Variants in TMEM67 observed in about 807,000 individuals in gnomAD.
The protein encoded by TMEM67 is transmembrane protein 67.
A neutral mutation model predicts 136.6 loss-of-function variants in TMEM67; 124 were observed. That is an observed-to-expected ratio of 0.91 (90% CI 0.78 to 1.05). TMEM67 has a LOEUF of 1.05. TMEM67 is among the 50% of genes least tolerant of loss of function. The pLI, the probability that TMEM67 is intolerant of heterozygous loss-of-function variation, is 0.00. For synonymous variants in TMEM67, 364 were observed against 390.5 expected (o/e 0.93, Z 0.80); for missense variants, 1,107 against 1,178.4 (o/e 0.94, Z 0.89).
chr8:93,789,428 A>G (rs1004832669), intron 14 of TMEM67, among the ~76,000 whole-genome samples: 2 of 152,106 alleles, frequency 1.3e-5, no homozygotes, highest in African/African-American at 2.4e-5. Context: ...TATTATGGGT[A>G]ATCAAGAATG....
At position 93,795,960 on chromosome 8, in the gene TMEM67, T is replaced by A. The variant is rs1814596805; in HGVS notation, c.1833T>A (p.Thr611=). The A allele has an allele frequency of 1.2e-6, 2 of 1,613,526 alleles. No individual in the cohort carries two copies. The highest frequency in any genetic ancestry group is 1.7e-6 in the Non-Finnish European group (2 of 1,179,466). Residue 611 remains threonine (T), a synonymous_variant, in exon 18 of 28, where the codon ACT becomes ACA. Transcript: ENST00000453321. ...CAATTCAGGAAGAACGTTTTGTCAC[T>A]TATGTTGGATGTGCCTTTGCTCTGA... ...PMPIQEERFV[T]YVGCAFALKA... is the part of the protein sequence containing the mutation.
At chr8:93,765,101 G>A (rs2130583623) in intron 4 of TMEM67, among the ~76,000 whole-genome samples, 1 of 152,244 alleles carries the variant, frequency 6.6e-6, no homozygotes, top group South Asian at 2.1e-4. Flanking sequence ...ATTTATATGA[G>A]TTTGTTGCTC....
intron 6 of TMEM67, among the ~76,000 whole-genome samples, chr8:93,769,242 TAGG>T (rs1813225377): frequency 6.6e-6 from 1 of 152,148 alleles, no homozygotes; most frequent in African/African-American, 2.4e-5. Context: ...GCAACGGCCA[TAGG>T]AGGCGAGCAA....
intron 13 of TMEM67, 29 bp downstream of exon 13, chr8:93,786,375 T>C (rs760867449): frequency 1.9e-6 from 3 of 1,607,218 alleles, no homozygotes; most frequent in Non-Finnish European, 2.6e-6. Context: ...ATATTATTTA[T>C]GGGAAAATAT....
At chr8:93,819,068 G>T (rs1808999113), downstream of TMEM67, 1 of 451,674 alleles carries the variant, frequency 2.2e-6, no homozygotes. Flanking sequence ...CTCCAAAAGT[G>T]CTGGGATTAC....
chr8:93,796,785 A>G (rs937062011), intron 18 of TMEM67, among the ~76,000 whole-genome samples: 1 of 152,232 alleles, frequency 6.6e-6, no homozygotes, highest in African/African-American at 2.4e-5. Context: ...AAGTCAGCTG[A>G]TCTACAAAAC....
intron 18 of TMEM67, 49 bp downstream of exon 18, chr8:93,796,036 C>G: frequency 8.6e-7 from 1 of 1,166,612 alleles, no homozygotes; most frequent in Non-Finnish European, 1.3e-6. Context: ...TGCTAATGAA[C>G]TAACAAGTCT....
At chr8:93,823,640 G>A (rs1000844887), downstream of TMEM67, among the ~76,000 whole-genome samples, 4 of 152,158 alleles carry the variant, frequency 2.6e-5, no homozygotes, top group Admixed American at 6.5e-5. Context: ...GGAACAGCAT[G>A]TGCAAAGGCC....
chr8:93,765,829 G>C (rs1813059924), intron 6 of TMEM67, among the ~76,000 whole-genome samples, 183 bp downstream of exon 6: 1 of 152,146 alleles, frequency 6.6e-6, no homozygotes, highest in Non-Finnish European at 1.5e-5. Context: ...TACTCAGTCT[G>C]TACCGTAGCC....
At chr8:93,798,285 T>A (rs1325989043) in intron 20 of TMEM67, among the ~76,000 whole-genome samples, 1 of 150,914 alleles carries the variant, frequency 6.6e-6, no homozygotes, top group African/African-American at 2.5e-5. Context: ...TTAGAGACTA[T>A]GTGTTGATTT....
intron 3 of TMEM67, 70 bp downstream of exon 3, chr8:93,758,646 G>A: frequency 1.6e-6 from 2 of 1,278,062 alleles, no homozygotes; most frequent in South Asian, 2.4e-5. Context: ...TATTTGAAAA[G>A]GGCACTAATT....
At chr8:93,807,876 A>AT (rs1406354961) in intron 23 of TMEM67, among the ~76,000 whole-genome samples, 2 of 151,668 alleles carry the variant, frequency 1.3e-5, no homozygotes, top group African/African-American at 2.4e-5. Flanking sequence ...TCAAATCAAA[A>AT]TTTTTTTTAC....
chr8:93,761,616 TATAGTC>T (rs1812839017), intron 3 of TMEM67, among the ~76,000 whole-genome samples: 1 of 152,208 alleles, frequency 6.6e-6, no homozygotes, highest in Non-Finnish European at 1.5e-5. Flanking sequence ...TAAATTATGA[TATAGTC>T]ATACAATGGT....
downstream of TMEM67, among the ~76,000 whole-genome samples, chr8:93,823,838 C>CTTTTTTTTT (rs80228066): frequency 7.0e-6 from 1 of 142,584 alleles, no homozygotes. Flanking sequence ...AAGATTTTGT[C>CTTTTTTTTT]TTTTTTTTTT....
intron 14 of TMEM67, among the ~76,000 whole-genome samples, chr8:93,789,524 A>G (rs1317628481): frequency 6.6e-6 from 1 of 151,900 alleles, no homozygotes; most frequent in Admixed American, 6.6e-5. Context: ...GCTTGCCTGT[A>G]ATCCCAGCTG....
Position 93,781,713 on chromosome 8 carries a change from A to G in TMEM67, c.1034A>G (p.Lys345Arg). 1 of 1,610,598 alleles carries G rather than the reference A, an allele frequency of 6.2e-7. No homozygotes were observed. Among genetic ancestry groups the G allele is most frequent in the Non-Finnish European group, 8.5e-7 (1 of 1,177,682 alleles). Residue 345 changes from lysine to arginine, a missense_variant, in exon 10 of 28, where the codon AAG becomes AGG. By Grantham distance (26) the Lys-to-Arg change is conservative. Coordinates refer to ENST00000453321, the MANE Select transcript of TMEM67 (RefSeq NM_153704.6). ...ASYDIRGNFL[K>R]WQTLEGGVLQ... Reference sequence around the variant, plus strand: ...TATGATATAAGAGGAAATTTTCTCAAGTGGCAAACTTTAGAAGGAGGTGTT... The same window carrying G: ...TATGATATAAGAGGAAATTTTCTCAGGTGGCAAACTTTAGAAGGAGGTGTT...
At chr8:93,768,777 A>G (rs1813195781) in intron 6 of TMEM67, among the ~76,000 whole-genome samples, 1 of 151,888 alleles carries the variant, frequency 6.6e-6, no homozygotes, top group African/African-American at 2.4e-5. Context: ...AATGTGACCA[A>G]TCTTCCAACC....
At chr8:93,799,904 C>CTTTTTTTT in intron 21 of TMEM67, 146 bp downstream of exon 21, 1 of 347,456 alleles carries the variant, frequency 2.9e-6, no homozygotes, top group Non-Finnish European at 5.0e-6. Flanking sequence ...ATGGTCAGTT[C>CTTTTTTTT]TTTTTTTTTT....
chr8:93,785,193 G>T (rs1359415598), intron 11 of TMEM67, 29 bp from the exon 12 acceptor site: 1 of 1,362,252 alleles, frequency 7.3e-7, no homozygotes, highest in Admixed American at 1.7e-5. Context: ...GCTGTTTTAT[G>T]TGCTTTTATT....
Sources: gnomAD v4.1 joint callset for allele counts (sites outside exome capture counted in the v4.1 genomes callset) on GRCh38, gnomAD v4.1.1 for gene constraint, MANE v1.5 for transcripts, NCBI Gene and HGNC (gene_info 2026-07-23, HGNC 2026-07-21) for gene names.